Variants in FYB1 observed in about 807,000 individuals in gnomAD.
FYB1 encodes the protein FYN-binding protein 1.
In FYB1, 41 loss-of-function variants were observed where a neutral mutation model predicts 94.1. That is an observed-to-expected ratio of 0.44 (90% CI 0.34 to 0.57). The LOEUF (loss-of-function observed/expected upper bound fraction) is 0.57, where lower values mean the gene tolerates loss of function less well. FYB1 is among the 20% of genes least tolerant of loss of function. FYB1 has a pLI of 0.02. For missense variants in FYB1, 1,050 were observed against 976.8 expected (o/e 1.07, Z -1.00); for synonymous variants, 367 against 353.2 (o/e 1.04, Z -0.44).
intron 12 of FYB1, among the ~76,000 whole-genome samples, chr5:39,125,774 A>G (rs1230273226): frequency 6.6e-6 from 1 of 152,176 alleles, no homozygotes; most frequent in Non-Finnish European, 1.5e-5. Context: ...AGTAAAATAT[A>G]TCTTTGAACT....
At chr5:39,269,285 G>T (rs1052249589) in intron 1 of FYB1, among the ~76,000 whole-genome samples, 3 of 151,888 alleles carry the variant, frequency 2.0e-5, no homozygotes, top group African/African-American at 7.3e-5. Flanking sequence ...TCCTGACCTC[G>T]TGATCCGCCT....
At chr5:39,236,805 C>T (rs1448804809) in intron 1 of FYB1, among the ~76,000 whole-genome samples, 4 of 152,084 alleles carry the variant, frequency 2.6e-5, no homozygotes, top group Non-Finnish European at 5.9e-5. Context: ...AGTTTTTATC[C>T]TTGGCCAAAT....
At chr5:39,170,494 A>G (rs560863566) in intron 2 of FYB1, among the ~76,000 whole-genome samples, 1 of 152,224 alleles carries the variant, frequency 6.6e-6, no homozygotes, top group South Asian at 2.1e-4. Context: ...CATCCAATAC[A>G]TGAGAATTCC....
At chr5:39,135,273 G>A (rs1015723031) in intron 7 of FYB1, among the ~76,000 whole-genome samples, 3 of 152,156 alleles carry the variant, frequency 2.0e-5, no homozygotes, top group African/African-American at 7.2e-5. Context: ...CTGTTGACTA[G>A]GAATTCTGCA....
At chr5:39,250,539 C>A (rs568547000) in intron 1 of FYB1, 6 of 152,142 alleles carry the variant, frequency 3.9e-5, no homozygotes, top group Non-Finnish European at 8.8e-5. Context: ...GTGTCTGGAA[C>A]CTCCTTTTTT....
intron 6 of FYB1, 171 bp from the exon 7 acceptor site, chr5:39,137,891 A>G (rs1392893342): frequency 3.9e-6 from 3 of 770,070 alleles, no homozygotes; most frequent in Non-Finnish European, 2.0e-6. Context: ...TTTTAAAACC[A>G]GTAGGAGGCA....
chr5:39,127,863 G>A (rs370726451), intron 10 of FYB1, 56 bp from the exon 11 acceptor site: 1 of 1,495,680 alleles, frequency 6.7e-7, no homozygotes, highest in Non-Finnish European at 9.0e-7. Flanking sequence ...GCCATGTAAT[G>A]CTCACTCAGA....
rs1312107902 is a variant in FYB1, at chr5:39,138,991, A to G, written c.1359+242T>C. ...ACAAAATTTCCTTTTCTATCTTGCT[A>G]TATAAATCAGACGTGTAGTCAGACT... On this transcript the variant is annotated intron_variant, in intron 5 of 18. Transcript: ENST00000512982. The G allele has an allele frequency of 2.0e-5, 11 of 549,238 alleles. No homozygotes were observed. In the South Asian group the frequency reaches 2.1e-4, roughly 10 times the overall value. The allele number at this position is 549,238 out of a possible 1,614,324, so 34.0% of individuals were successfully genotyped here. A position where few individuals can be genotyped will look rare whatever the true frequency, so the allele number is the denominator to read the frequency against.
At chr5:39,178,970 G>A (rs1296823121) in intron 2 of FYB1, among the ~76,000 whole-genome samples, 6 of 152,170 alleles carry the variant, frequency 3.9e-5, no homozygotes, top group Non-Finnish European at 7.3e-5. Context: ...GCGGGCTGGG[G>A]CACAGAAGAG....
chr5:39,162,589 G>A (rs1390537009), intron 2 of FYB1, among the ~76,000 whole-genome samples: 1 of 152,114 alleles, frequency 6.6e-6, no homozygotes, highest in Non-Finnish European at 1.5e-5. Flanking sequence ...GGAGGCTGAG[G>A]CAGGAGAATC....
At chr5:39,198,507 T>C (rs1748024589) in intron 2 of FYB1, among the ~76,000 whole-genome samples, 1 of 152,210 alleles carries the variant, frequency 6.6e-6, no homozygotes, top group Admixed American at 6.5e-5. Context: ...ATAATATGTA[T>C]ACATACACAG....
chr5:39,140,488 G>A (rs978506248), intron 4 of FYB1, among the ~76,000 whole-genome samples: 1 of 152,224 alleles, frequency 6.6e-6, no homozygotes, highest in African/African-American at 2.4e-5. Context: ...TGATGAGAGT[G>A]TAGATAGATG....
chr5:39,124,338 C>A (rs371557632), intron 12 of FYB1, 60 bp from the exon 13 acceptor site: 2 of 1,221,440 alleles, frequency 1.6e-6, no homozygotes, highest in Non-Finnish European at 2.3e-6. Context: ...AAATTGATTC[C>A]GTTATATAGG....
At chr5:39,243,815 G>A (rs1427411746) in intron 1 of FYB1, among the ~76,000 whole-genome samples, 42 of 152,068 alleles carry the variant, frequency 2.8e-4, no homozygotes, top group East Asian at 7.7e-4. Context: ...CTTTTATTTC[G>A]TTGAGCAGTG....
rs547073843 is a variant in FYB1 at position 39,179,419 on chromosome 5, T to G, written c.1135+22407A>C. On this transcript the variant is annotated intron_variant, in intron 2 of 18. Coordinates refer to ENST00000512982, the MANE Select transcript of FYB1 (RefSeq NM_001465.6). ...AGACAATCTTTTCCATTTTCAGGAG[T>G]CAGGGAACAAGTACATACAGTTTAT... is the stretch of plus-strand genomic sequence containing the variant. Among the ~76,000 whole-genome samples, 3 of 152,158 alleles carry G rather than the reference T, an allele frequency of 2.0e-5. No homozygotes were observed. In the East Asian group the frequency reaches 5.8e-4, roughly 29 times the overall value.
intron 2 of FYB1, among the ~76,000 whole-genome samples, chr5:39,158,036 CA>C (rs146519613): frequency 1.3e-5 from 2 of 151,424 alleles, no homozygotes; most frequent in Admixed American, 1.3e-4. Context: ...TGACTAATGA[CA>C]AAAAAAATTA....
chr5:39,216,337 G>T lies in FYB1; in HGVS notation c.-28+3106C>A, dbSNP rs377755594. Among the ~76,000 whole-genome samples the T allele has an allele frequency of 4.6e-5, 7 of 152,100 alleles. 1 individual carries two copies. Among genetic ancestry groups the T allele is most frequent in the African/African-American group, 1.7e-4 (7 of 41,476 alleles). ...TAGAAATCTCTAATATAAAAATAGT[G>T]GTATGCATGTTGTTAAAATTCTACC... On this transcript the variant is annotated intron_variant, in intron 1 of 18. Coordinates refer to ENST00000512982, the MANE Select transcript of FYB1 (RefSeq NM_001465.6).
At chr5:39,108,338 G>C (rs752755565) in intron 17 of FYB1, 76 bp from the exon 18 acceptor site, 2 of 1,259,216 alleles carry the variant, frequency 1.6e-6, no homozygotes, top group East Asian at 5.3e-5. Flanking sequence ...GAAGAATAGA[G>C]TAACAGTATA....
intron 1 of FYB1, among the ~76,000 whole-genome samples, chr5:39,232,162 C>T (rs1561294885): frequency 6.6e-6 from 1 of 152,094 alleles, no homozygotes; most frequent in African/African-American, 2.4e-5. Flanking sequence ...AGAACATGCA[C>T]ACACACTACA....
Sources: allele counts gnomAD v4.1 joint callset (sites outside exome capture counted in the v4.1 genomes callset), GRCh38; gene constraint gnomAD v4.1.1; transcripts MANE v1.5; gene names NCBI Gene and HGNC (gene_info 2026-07-23, HGNC 2026-07-21).